The following NLGN1 variants were observed in gnomAD, a reference collection of about 807,000 sequenced individuals.
NLGN1 encodes the protein neuroligin 1.
A neutral mutation model predicts 65.5 loss-of-function variants in NLGN1; 12 were observed. That is an observed-to-expected ratio of 0.18 (90% CI 0.12 to 0.30). NLGN1 has a LOEUF of 0.30. NLGN1 is among the 10% of genes least tolerant of loss of function. NLGN1 has a pLI of 1.00. For missense variants in NLGN1, 750 were observed against 1,007.1 expected, an observed-to-expected ratio of 0.74 and a Z score of 3.46; for synonymous variants, 350 against 359.5, an observed-to-expected ratio of 0.97 and a Z score of 0.30.
At chr3:173,482,422 A>G (rs562094161) in intron 2 of NLGN1, among the ~76,000 whole-genome samples, 3 of 151,858 alleles carry the variant, frequency 2.0e-5, no homozygotes, top group Admixed American at 6.6e-5. Context: ...GGTACTCTCA[A>G]ATTCCTACCT....
At chr3:173,672,684 A>G (rs557295074) in intron 3 of NLGN1, among the ~76,000 whole-genome samples, 186 of 152,296 alleles carry the variant, frequency 1.2e-3, no homozygotes, top group Non-Finnish European at 1.4e-3. Context: ...TGACCATGTA[A>G]GACGCTTCTT....
chr3:173,830,284 G>T (rs1722275455), intron 4 of NLGN1, among the ~76,000 whole-genome samples: 1 of 152,120 alleles, frequency 6.6e-6, no homozygotes, highest in African/African-American at 2.4e-5. Flanking sequence ...GCCAAGGGAA[G>T]TCATGTAGCC....
At chr3:174,170,160 T>C (rs923309739) in intron 4 of NLGN1, among the ~76,000 whole-genome samples, 21 of 152,062 alleles carry the variant, frequency 1.4e-4, no homozygotes, top group African/African-American at 4.8e-4. Flanking sequence ...GATCTTTATG[T>C]ACTATCTTGC....
chr3:174,011,399 C>G (rs892588036), intron 4 of NLGN1, among the ~76,000 whole-genome samples: 4 of 152,018 alleles, frequency 2.6e-5, no homozygotes, highest in African/African-American at 4.8e-5. Context: ...GTGAATGTGG[C>G]CCATTTATTT....
rs1327722813 is a variant in NLGN1, at chr3:173,615,742, T to C, written c.493+10651T>C. 2.3e-4 allele frequency among the ~76,000 whole-genome samples: 15 copies of C among 63,880 alleles called. No homozygotes were observed. In the East Asian group the frequency reaches 5.0e-3, roughly 21 times the overall value. 41.9% of individuals were successfully genotyped at this position (63,880 alleles called of 152,430 possible). A position where few individuals can be genotyped will look rare whatever the true frequency, so the allele number is the denominator to read the frequency against. On this transcript the variant is annotated intron_variant, in intron 3 of 6. Coordinates refer to ENST00000457714, the Ensembl canonical transcript of NLGN1. ...AATGGTTTAAAACTTTCCATCCATCTGTTTTTTTTTTTTTTTTTTAAAGCC... is the reference window on the plus strand; with the variant it reads ...AATGGTTTAAAACTTTCCATCCATCCGTTTTTTTTTTTTTTTTTTAAAGCC...
At chr3:173,853,313 G>T (rs1367228686) in intron 4 of NLGN1, among the ~76,000 whole-genome samples, 1 of 152,044 alleles carries the variant, frequency 6.6e-6, no homozygotes, top group Non-Finnish European at 1.5e-5. Context: ...ATGCTTATGG[G>T]GCATAATTAA....
chr3:173,918,630 C>CA (rs558281371), intron 4 of NLGN1, among the ~76,000 whole-genome samples: 83 of 61,364 alleles, frequency 1.4e-3, no homozygotes, highest in East Asian at 3.6e-3. Context: ...GACTCCATCT[C>CA]AAAAAAAAAA....
At chr3:173,420,417 T>G (rs1230635309) in intron 1 of NLGN1, among the ~76,000 whole-genome samples, 4 of 152,172 alleles carry the variant, frequency 2.6e-5, no homozygotes, top group African/African-American at 9.7e-5. Context: ...TCATCATTTT[T>G]TATGGCTGCA....
chr3:173,694,151 G>A (rs185242960), intron 3 of NLGN1, among the ~76,000 whole-genome samples: 8 of 152,126 alleles, frequency 5.3e-5, no homozygotes, highest in Admixed American at 5.2e-4. Flanking sequence ...GCTTGTTGCT[G>A]GTCAAAGTTG....
At chr3:173,421,822 A>G (rs1330637554) in intron 1 of NLGN1, among the ~76,000 whole-genome samples, 1 of 152,078 alleles carries the variant, frequency 6.6e-6, no homozygotes, top group Non-Finnish European at 1.5e-5. Flanking sequence ...CACCTGGCCC[A>G]GTTTAGAATT....
chr3:174,016,109 G>T (rs1386086050), intron 4 of NLGN1, among the ~76,000 whole-genome samples: 3 of 152,110 alleles, frequency 2.0e-5, no homozygotes, highest in Non-Finnish European at 2.9e-5. Flanking sequence ...TCACAAAAAT[G>T]GAGTTTCCAA....
chr3:174,112,727 A>G (rs780666208), intron 4 of NLGN1, among the ~76,000 whole-genome samples: 2 of 152,018 alleles, frequency 1.3e-5, no homozygotes, highest in African/African-American at 2.4e-5. Flanking sequence ...GTCCTTATTT[A>G]TAAGCTAATA....
chr3:174,105,893 G>T (rs956979420), intron 4 of NLGN1, among the ~76,000 whole-genome samples: 1 of 152,010 alleles, frequency 6.6e-6, no homozygotes, highest in Non-Finnish European at 1.5e-5. Flanking sequence ...CATGGCCATG[G>T]AATTTATTTG....
chr3:173,422,056 TAAACTC>T (rs1410080492), intron 1 of NLGN1, among the ~76,000 whole-genome samples: 1 of 151,852 alleles, frequency 6.6e-6, no homozygotes, highest in Non-Finnish European at 1.5e-5. Context: ...CTCAAACAAA[TAAACTC>T]AAACACTTAT....
intron 2 of NLGN1, among the ~76,000 whole-genome samples, chr3:173,447,287 A>G (rs1260729789): frequency 6.6e-6 from 1 of 152,206 alleles, no homozygotes; most frequent in African/African-American, 2.4e-5. Flanking sequence ...ATGTATGGCT[A>G]GCCAGTTTTC....
At chr3:174,200,962 C>T (rs1041083576) in intron 4 of NLGN1, among the ~76,000 whole-genome samples, 1 of 152,140 alleles carries the variant, frequency 6.6e-6, no homozygotes, top group African/African-American at 2.4e-5. Flanking sequence ...CCTGTCAGGG[C>T]ATGGTTGTTC....
At chr3:173,844,121 C>T (rs1725307620) in intron 4 of NLGN1, among the ~76,000 whole-genome samples, 1 of 152,126 alleles carries the variant, frequency 6.6e-6, no homozygotes, top group Admixed American at 6.5e-5. Context: ...TCTCATGAGC[C>T]TCATTCACTA....
chr3:173,906,287 TC>T (rs1395115992), intron 4 of NLGN1, among the ~76,000 whole-genome samples: 1 of 152,192 alleles, frequency 6.6e-6, no homozygotes, highest in Non-Finnish European at 1.5e-5. Flanking sequence ...TCCTTTCTCC[TC>T]CCTGTCCCAC....
At chr3:173,767,265 C>T (rs537177827) in intron 3 of NLGN1, among the ~76,000 whole-genome samples, 11 of 152,056 alleles carry the variant, frequency 7.2e-5, no homozygotes, top group African/African-American at 2.4e-4. Context: ...TACTTGATGA[C>T]CAAATTATAT....
Sources: allele counts gnomAD v4.1 joint callset (sites outside exome capture counted in the v4.1 genomes callset), GRCh38; gene constraint gnomAD v4.1.1; transcripts MANE v1.5; gene names NCBI Gene and HGNC (gene_info 2026-07-23, HGNC 2026-07-21).